The following DOCK9 variants were observed in gnomAD, a reference collection of about 807,000 sequenced individuals.
The protein encoded by DOCK9 is dedicator of cytokinesis 9.
DOCK9 carries 89 observed loss-of-function variants against 263.3 expected under a neutral mutation model. The ratio of observed to expected loss-of-function variants is 0.34; its 90% CI spans 0.28 to 0.40. DOCK9 has a LOEUF of 0.40. DOCK9 is among the 10% of genes least tolerant of loss of function. The pLI, the probability that DOCK9 is intolerant of heterozygous loss-of-function variation, is 1.00. For missense variants in DOCK9, 2,140 were observed against 2,603.4 expected (o/e 0.82, Z 3.87); for synonymous variants, 976 against 973.1 (o/e 1.00, Z -0.06).
At chr13:98,940,013 T>A (rs2055555634) in intron 2 of DOCK9, among the ~76,000 whole-genome samples, 1 of 152,230 alleles carries the variant, frequency 6.6e-6, no homozygotes, top group Non-Finnish European at 1.5e-5. Flanking sequence ...TCTGGGAACA[T>A]CACTGAAACT....
chr13:98,880,497 A>G, intron 26 of DOCK9, 50 bp downstream of exon 26: 3 of 1,611,828 alleles, frequency 1.9e-6, no homozygotes, highest in Non-Finnish European at 2.5e-6. Flanking sequence ...TGTGGAGTGA[A>G]TTCCTGTTAA....
intron 52 of DOCK9, 58 bp downstream of exon 52, chr13:98,797,057 G>T: frequency 6.3e-7 from 1 of 1,595,100 alleles, no homozygotes. Flanking sequence ...TCATGATAGG[G>T]TGTACTTGAA....
chr13:98,796,529 G>C (rs1303415879), intron 52 of DOCK9, among the ~76,000 whole-genome samples: 1 of 152,176 alleles, frequency 6.6e-6, no homozygotes, highest in Non-Finnish European at 1.5e-5. Context: ...TGTGACAACT[G>C]AGCCCACACA....
intron 2 of DOCK9, chr13:98,949,739 G>A: frequency 9.5e-6 from 3 of 317,364 alleles, no homozygotes; most frequent in South Asian, 9.4e-5. Flanking sequence ...TGGTGGATGA[G>A]CTGATTGATG....
intron 18 of DOCK9, among the ~76,000 whole-genome samples, chr13:98,887,565 G>A (rs1248609731): frequency 5.9e-5 from 7 of 119,448 alleles, no homozygotes; most frequent in East Asian, 2.6e-4. Context: ...GCAGTGAGCC[G>A]AGATCACACC....
At chr13:98,930,954 T>C (rs1037855918) in intron 2 of DOCK9, among the ~76,000 whole-genome samples, 6 of 151,920 alleles carry the variant, frequency 3.9e-5, no homozygotes, top group African/African-American at 1.5e-4. Context: ...ATTTTGAACA[T>C]TTTTAAGTAT....
At chr13:98,882,884 G>A (rs2045042212) in intron 23 of DOCK9, among the ~76,000 whole-genome samples, 158 bp downstream of exon 23, 1 of 152,148 alleles carries the variant, frequency 6.6e-6, no homozygotes, top group South Asian at 2.1e-4. Flanking sequence ...CCGTTCCTAG[G>A]TCCACTTCTT....
At position 98,920,027 on chromosome 13, in the gene DOCK9, AGATGGATG is replaced by A. The variant is rs577903151; in HGVS notation, c.717+919_717+926del. Among the ~76,000 whole-genome samples, 5 of 152,180 alleles carry A rather than the reference AGATGGATG, an allele frequency of 3.3e-5. No homozygotes were observed. The East Asian group carries it at 9.7e-4, about 29-fold the overall frequency. On this transcript the variant is annotated intron_variant, in intron 7 of 52. Coordinates refer to ENST00000682017, the MANE Select transcript of DOCK9 (RefSeq NM_001366683.2). The stretch of plus-strand genomic sequence containing the variant: ...AGGCTGGATGAATGGAGGGGTGGAC[AGATGGATG>A]GATGGATGGATGGATGGACAGATGA...
rs2046102635 is a variant in DOCK9 at position 98,888,249 on chromosome 13, A to AG, written c.1978-27dup. The AG allele has an allele frequency of 2.5e-6, 4 of 1,604,738 alleles. No individual in the cohort carries two copies. In the Admixed American group the frequency reaches 5.2e-5, roughly 21 times the overall value. ...CTGCAGCAATAAACAAAACAGAATAAGAAAAAACAACAGAAAGTCAGACTA... is the reference window on the plus strand; with the variant it reads ...CTGCAGCAATAAACAAAACAGAATAAGGAAAAAACAACAGAAAGTCAGACTA... On this transcript the variant is annotated intron_variant, in intron 17 of 52. Transcript: ENST00000682017.
intron 1 of DOCK9, among the ~76,000 whole-genome samples, chr13:99,026,088 A>G (rs1886675451): frequency 1.9e-5 from 1 of 53,252 alleles, no homozygotes; most frequent in Non-Finnish European, 4.4e-5. Context: ...AAAAAAAAAA[A>G]AAAAAAAAAA....
chr13:98,882,351 G>T (rs557822754), intron 23 of DOCK9, among the ~76,000 whole-genome samples: 16 of 152,248 alleles, frequency 1.1e-4, no homozygotes, highest in African/African-American at 3.9e-4. Flanking sequence ...ATGCTGTGTG[G>T]CTGTCTTTGA....
At chr13:98,966,528 T>C (rs1284430568) in intron 1 of DOCK9, among the ~76,000 whole-genome samples, 2 of 152,260 alleles carry the variant, frequency 1.3e-5, no homozygotes, top group East Asian at 3.8e-4. Flanking sequence ...CTTCCTTTTT[T>C]AGCATTATGA....
At chr13:98,886,944 G>A (rs553233042) in intron 18 of DOCK9, among the ~76,000 whole-genome samples, 1 of 151,944 alleles carries the variant, frequency 6.6e-6, no homozygotes, top group Non-Finnish European at 1.5e-5. Flanking sequence ...CATGCATCAA[G>A]AAAACGCTCA....
chr13:98,887,369 C>T (rs1314074320), intron 18 of DOCK9, among the ~76,000 whole-genome samples: 3 of 150,888 alleles, frequency 2.0e-5, no homozygotes, highest in Non-Finnish European at 4.4e-5. Flanking sequence ...GTAATCCCAG[C>T]ATTTTGGGAG....
intron 1 of DOCK9, among the ~76,000 whole-genome samples, chr13:98,984,003 C>T (rs1877866673): frequency 6.6e-6 from 1 of 152,114 alleles, no homozygotes; most frequent in South Asian, 2.1e-4. Context: ...TGTCTCTTAG[C>T]CCAGAATCCA....
intron 39 of DOCK9, among the ~76,000 whole-genome samples, chr13:98,837,242 C>T (rs1329853973): frequency 4.6e-5 from 7 of 152,184 alleles, no homozygotes; most frequent in Non-Finnish European, 1.0e-4. Context: ...TAACTGCCTC[C>T]AGAGACCGTG....
intron 10 of DOCK9, among the ~76,000 whole-genome samples, 171 bp downstream of exon 10, chr13:98,904,461 C>T (rs1350254290): frequency 6.6e-6 from 1 of 152,206 alleles, no homozygotes; most frequent in African/African-American, 2.4e-5. Flanking sequence ...AATAGTAATG[C>T]TATGGTGATA....
intron 7 of DOCK9, among the ~76,000 whole-genome samples, chr13:98,918,635 T>C (rs2140000964): frequency 6.6e-6 from 1 of 152,210 alleles, no homozygotes; most frequent in South Asian, 2.1e-4. Context: ...AATTCCAAGG[T>C]AAAATGATTT....
At position 98,883,951 on chromosome 13, in the gene DOCK9, C is replaced by T. The variant is rs572825773; in HGVS notation, c.2383-52G>A. On this transcript the variant is annotated intron_variant, in intron 21 of 52. Coordinates refer to ENST00000682017, the MANE Select transcript of DOCK9 (RefSeq NM_001366683.2). ...TCCCTACAGATTAGTTATTTTGGCTCTAACATGATCATCAATGAGGGTAAT... is the reference window on the plus strand; with the variant it reads ...TCCCTACAGATTAGTTATTTTGGCTTTAACATGATCATCAATGAGGGTAAT... 7 of 1,352,670 alleles carry T rather than the reference C, an allele frequency of 5.2e-6. No homozygotes were observed. In the East Asian group the frequency reaches 1.7e-4, roughly 33 times the overall value. The allele number at this position is 1,352,670 out of a possible 1,614,324, so 83.8% of individuals were successfully genotyped here.
Sources: gnomAD v4.1 joint callset for allele counts (sites outside exome capture counted in the v4.1 genomes callset) on GRCh38, gnomAD v4.1.1 for gene constraint, MANE v1.5 for transcripts, NCBI Gene and HGNC (gene_info 2026-07-23, HGNC 2026-07-21) for gene names.